FCHSD2: variants seen among roughly 807,000 people sequenced by gnomAD.
The protein encoded by FCHSD2 is FCH and double SH3 domains 2.
In FCHSD2, 38 loss-of-function variants were observed where a neutral mutation model predicts 108.1. The ratio of observed to expected loss-of-function variants is 0.35; its 90% CI spans 0.27 to 0.46. The LOEUF (loss-of-function observed/expected upper bound fraction) is 0.46. Ranked by LOEUF, FCHSD2 falls within the 20% of genes least tolerant of loss-of-function variation. FCHSD2 has a pLI of 1.00. For missense variants in FCHSD2, 751 were observed against 897.8 expected, an observed-to-expected ratio of 0.84 and a Z score of 2.09; for synonymous variants, 279 against 314.7, an observed-to-expected ratio of 0.89 and a Z score of 1.20.
At chr11:72,973,242 C>T (rs1157796215) in intron 8 of FCHSD2, among the ~76,000 whole-genome samples, 1 of 151,948 alleles carries the variant, frequency 6.6e-6, no homozygotes, top group African/African-American at 2.4e-5. Flanking sequence ...TGGCATGTGC[C>T]TGTAATCCCA....
At chr11:72,871,073 G>A (rs1174564398) in intron 12 of FCHSD2, among the ~76,000 whole-genome samples, 2 of 152,110 alleles carry the variant, frequency 1.3e-5, no homozygotes, top group African/African-American at 4.8e-5. Context: ...TCAAGAAAGG[G>A]AATAACTGCT....
intron 4 of FCHSD2, among the ~76,000 whole-genome samples, chr11:73,013,630 T>G (rs1402341512): frequency 6.6e-6 from 1 of 152,196 alleles, no homozygotes; most frequent in African/African-American, 2.4e-5. Context: ...AAATGAGAAT[T>G]ATTATATCTA....
intron 8 of FCHSD2, chr11:72,940,667 A>G (rs1856397840): frequency 1.6e-6 from 2 of 1,239,292 alleles, no homozygotes; most frequent in South Asian, 1.2e-5. Context: ...AAGGCCAAGC[A>G]AGGTTACATT....
chr11:72,873,070 C>CTAT (rs1439089236), intron 12 of FCHSD2, among the ~76,000 whole-genome samples: 3 of 151,730 alleles, frequency 2.0e-5, no homozygotes, highest in African/African-American at 7.2e-5. Context: ...TGGCTCATGC[C>CTAT]TATAATCCCA....
chr11:72,862,925 T>C (rs909251531), intron 13 of FCHSD2, among the ~76,000 whole-genome samples: 2 of 151,988 alleles, frequency 1.3e-5, no homozygotes, highest in East Asian at 1.9e-4. Flanking sequence ...CCCATACATA[T>C]ATGATTAATT....
At chr11:73,098,838 T>C (rs746932644) in intron 2 of FCHSD2, among the ~76,000 whole-genome samples, 7 of 152,202 alleles carry the variant, frequency 4.6e-5, no homozygotes, top group Non-Finnish European at 8.8e-5. Flanking sequence ...CAATTCTTCA[T>C]GACCTTGGAT....
intron 12 of FCHSD2, among the ~76,000 whole-genome samples, chr11:72,884,598 T>A (rs1220992254): frequency 2.0e-5 from 3 of 148,052 alleles, no homozygotes; most frequent in Non-Finnish European, 4.5e-5. Flanking sequence ...TATATATATA[T>A]AAAAGATCAT....
At chr11:72,882,474 T>A (rs1855110702) in intron 12 of FCHSD2, among the ~76,000 whole-genome samples, 1 of 152,084 alleles carries the variant, frequency 6.6e-6, no homozygotes, top group Admixed American at 6.6e-5. Context: ...TGGGATAAGT[T>A]CTGGTGTTTG....
chr11:72,886,658 G>T (rs1360775701), intron 12 of FCHSD2, among the ~76,000 whole-genome samples: 5 of 152,110 alleles, frequency 3.3e-5, no homozygotes, highest in Non-Finnish European at 5.9e-5. Flanking sequence ...TGTGTGCACA[G>T]GTCCTCCATA....
At chr11:72,872,257 C>T (rs1192322377) in intron 12 of FCHSD2, among the ~76,000 whole-genome samples, 1 of 146,336 alleles carries the variant, frequency 6.8e-6, no homozygotes, top group African/African-American at 2.5e-5. Flanking sequence ...TGACAAAGAC[C>T]TTTTGGCACA....
intron 2 of FCHSD2, among the ~76,000 whole-genome samples, chr11:73,133,219 A>C (rs1371228105): frequency 1.3e-5 from 2 of 152,242 alleles, no homozygotes; most frequent in Non-Finnish European, 2.9e-5. Flanking sequence ...AAAGTTCCTC[A>C]AAAAGTTAAA....
intron 8 of FCHSD2, among the ~76,000 whole-genome samples, chr11:72,983,418 C>T (rs969961784): frequency 2.6e-5 from 4 of 151,910 alleles, no homozygotes; most frequent in Non-Finnish European, 5.9e-5. Context: ...TGCAGTGAGC[C>T]GTGATCATCA....
chr11:72,887,048 A>G (rs1047656808), intron 12 of FCHSD2, among the ~76,000 whole-genome samples: 4 of 151,652 alleles, frequency 2.6e-5, no homozygotes, highest in Non-Finnish European at 5.9e-5. Flanking sequence ...GGAACCTTCC[A>G]TATGGGGGAG....
intron 3 of FCHSD2, among the ~76,000 whole-genome samples, chr11:73,049,326 A>C (rs1858838792): frequency 1.3e-5 from 2 of 152,118 alleles, no homozygotes; most frequent in Admixed American, 6.5e-5. Flanking sequence ...ACAATATTAA[A>C]TTTGGTTCTG....
chr11:73,010,443 C>A (rs1857837852), intron 4 of FCHSD2, among the ~76,000 whole-genome samples: 1 of 151,926 alleles, frequency 6.6e-6, no homozygotes, highest in Admixed American at 6.6e-5. Flanking sequence ...TATGTTATTC[C>A]TTTGGAGTTA....
At chr11:73,033,430 T>C (rs1286838750) in intron 3 of FCHSD2, among the ~76,000 whole-genome samples, 2 of 151,988 alleles carry the variant, frequency 1.3e-5, no homozygotes, top group South Asian at 4.1e-4. Flanking sequence ...ATTTTAGAAT[T>C]ATGAACAGAA....
chr11:73,015,642 TTAA>T (rs1474717259), intron 4 of FCHSD2, among the ~76,000 whole-genome samples, 164 bp downstream of exon 4: 1 of 152,298 alleles, frequency 6.6e-6, no homozygotes, highest in Non-Finnish European at 1.5e-5. Flanking sequence ...TTTAGATTAT[TTAA>T]TGTTATAAAA....
intron 2 of FCHSD2, among the ~76,000 whole-genome samples, chr11:73,098,574 T>C (rs556979079): frequency 5.1e-4 from 77 of 152,176 alleles, no homozygotes; most frequent in African/African-American, 1.8e-3. Flanking sequence ...GTTTACAGTA[T>C]GGTTAGTTGG....
At chr11:72,976,967 C>G (rs1857115803) in intron 8 of FCHSD2, among the ~76,000 whole-genome samples, 2 of 151,600 alleles carry the variant, frequency 1.3e-5, no homozygotes, top group African/African-American at 4.9e-5. Context: ...GCTCTGTTGC[C>G]CAGGCTGGAG....
Sources: allele counts gnomAD v4.1 joint callset (sites outside exome capture counted in the v4.1 genomes callset), GRCh38; gene constraint gnomAD v4.1.1; transcripts MANE v1.5; gene names NCBI Gene and HGNC (gene_info 2026-07-23, HGNC 2026-07-21).